Variants in MAST3 observed in about 807,000 individuals in gnomAD.
The protein encoded by MAST3 is microtubule associated serine/threonine kinase 3, also known as microtubule-associated serine/threonine-protein kinase 3.
Under a neutral mutation model 127.0 loss-of-function variants are expected in MAST3, and 43 were observed. That is an observed-to-expected ratio of 0.34 (90% CI 0.27 to 0.44). MAST3 has a LOEUF of 0.44. Ranked by LOEUF, MAST3 falls within the 20% of genes least tolerant of loss-of-function variation. The pLI, the probability that MAST3 is intolerant of heterozygous loss-of-function variation, is 1.00. For synonymous variants in MAST3, 785 were observed against 809.2 expected (o/e 0.97, Z 0.51); for missense variants, 1,390 against 1,919.1 (o/e 0.72, Z 5.15).
At chr19:18,125,195 T>C (rs925601890) in intron 11 of MAST3, among the ~76,000 whole-genome samples, 2 of 152,162 alleles carry the variant, frequency 1.3e-5, no homozygotes, top group Admixed American at 1.3e-4. Flanking sequence ...TCTTTGTCTC[T>C]CTGTGGCCTT....
At chr19:18,126,595 G>T (rs2040651066) in intron 11 of MAST3, among the ~76,000 whole-genome samples, 1 of 152,240 alleles carries the variant, frequency 6.6e-6, no homozygotes. Context: ...AACATACTGA[G>T]ATCTCGTCTC....
At chr19:18,137,660 G>A (rs2042019985) in intron 19 of MAST3, among the ~76,000 whole-genome samples, 1 of 152,134 alleles carries the variant, frequency 6.6e-6, no homozygotes, top group Non-Finnish European at 1.5e-5. Flanking sequence ...GGGCCTCCTG[G>A]GTGTCCGTCC....
chr19:18,144,026 A>G lies in MAST3; in HGVS notation c.2584+19A>G. 1 of 1,552,058 alleles carries G rather than the reference A, an allele frequency of 6.4e-7. No homozygotes were observed. Among genetic ancestry groups the G allele is most frequent in the Non-Finnish European group, 8.7e-7 (1 of 1,147,754 alleles). ...CTTTCTGGTAAGTGGGGCCCTGAGT[A>G]AGAGGGATGATGTCATGGAAGTTTC... On this transcript the variant is annotated intron_variant, in intron 22 of 27. Transcript: ENST00000687212. This position sits in a 1 kb window ranked among gnomAD's most constrained non-coding sequence, Gnocchi z 4.0.
At chr19:18,118,017 G>A (rs569826463) in intron 3 of MAST3, 2 of 711,792 alleles carry the variant, frequency 2.8e-6, no homozygotes, top group Admixed American at 1.3e-4. Flanking sequence ...GCGCTCGGGG[G>A]CGCGCGCTTC....
intron 18 of MAST3, 118 bp from the exon 19 acceptor site, chr19:18,137,121 C>G: frequency 7.6e-7 from 1 of 1,319,702 alleles, no homozygotes; most frequent in Non-Finnish European, 1.0e-6. Flanking sequence ...TGCGCCCGGC[C>G]CATTTTTCTG....
Position 18,112,305 on chromosome 19 carries a change from G to A in MAST3, c.161+1564G>A, listed in dbSNP as rs1194946524. Among the ~76,000 whole-genome samples, 2 of 152,184 alleles carry A rather than the reference G, an allele frequency of 1.3e-5. No individual in the cohort carries two copies. Among genetic ancestry groups the A allele is most frequent in the East Asian group, 3.8e-4 (2 of 5,196 alleles). On this transcript the variant is annotated intron_variant, in intron 3 of 27. Transcript: ENST00000687212. This position sits in a 1 kb window ranked among gnomAD's most constrained non-coding sequence, Gnocchi z 4.1. ...AGGCTCCGAGTAGCGGAGACTACAG[G>A]CGTGCCACCACGCCCGGCTAATTTT...
chr19:18,120,301 A>T (rs1381718705), intron 3 of MAST3, among the ~76,000 whole-genome samples: 1 of 152,136 alleles, frequency 6.6e-6, no homozygotes, highest in African/African-American at 2.4e-5. Flanking sequence ...CAAGAGGGGT[A>T]TATAGAATGG....
chr19:18,145,376 G>A lies in MAST3; in HGVS notation c.3039+147G>A. ...AGTTCATCTCGGTCCCTGTCATTTG[G>A]CAGGGAGGAGGTCAGATGAGAGAGA... On this transcript the variant is annotated intron_variant, in intron 24 of 27. Coordinates refer to ENST00000687212, the MANE Select transcript of MAST3 (RefSeq NM_001393504.1). The surrounding 1 kb of genome is among the most constrained non-coding windows in gnomAD (Gnocchi z 5.9). The A allele has an allele frequency of 1.3e-6, 1 of 769,226 alleles. No homozygotes were observed. The highest frequency in any genetic ancestry group is 2.2e-6 in the Non-Finnish European group (1 of 462,452). 47.7% of individuals were successfully genotyped at this position (769,226 alleles called of 1,614,324 possible).
intron 3 of MAST3, among the ~76,000 whole-genome samples, chr19:18,111,321 C>T (rs117561273): frequency 0.024 from 3,683 of 152,094 alleles, 106 homozygotes; most frequent in Admixed American, 0.077. Context: ...AGCTTTGCTA[C>T]CAGGTCTGTT....
intron 17 of MAST3, 80 bp from the exon 18 acceptor site, chr19:18,135,660 G>A: frequency 9.3e-7 from 1 of 1,074,316 alleles, no homozygotes; most frequent in Non-Finnish European, 1.4e-6. Flanking sequence ...GTGAAGTGAG[G>A]GGAAATGGTG....
At chr19:18,129,044 C>A in intron 13 of MAST3, 93 bp downstream of exon 13, 4 of 1,062,922 alleles carry the variant, frequency 3.8e-6, no homozygotes, top group Non-Finnish European at 5.8e-6. Context: ...CCTACCCCAG[C>A]AGGGCTCACA....
chr19:18,103,669 T>G (rs773378926), intron 1 of MAST3, among the ~76,000 whole-genome samples: 1 of 152,346 alleles, frequency 6.6e-6, no homozygotes, highest in Non-Finnish European at 1.5e-5. Flanking sequence ...CACCAGGCTC[T>G]GAGCTTGCTA....
At position 18,149,543 on chromosome 19, in the gene MAST3, G is replaced by C. The variant is rs534466529; in HGVS notation, c.3861G>C (p.Val1287=). ...CTCGTGGGCCAGAGGCCGAGCTCGTGGTCATGCGGCGGCTGCACCTGTCCG... is the reference window on the plus strand; with the variant it reads ...CTCGTGGGCCAGAGGCCGAGCTCGTCGTCATGCGGCGGCTGCACCTGTCCG... The part of the protein sequence containing the change: ...RRTRGPEAEL[V]VMRRLHLSER... Residue 1287 remains valine, a synonymous_variant, in exon 28 of 28, where the codon GTG becomes GTC. Transcript: ENST00000687212. The surrounding 1 kb of genome is among the most constrained non-coding windows in gnomAD (Gnocchi z 5.9). 45 of 1,568,824 alleles carry C rather than the reference G, an allele frequency of 2.9e-5. No homozygotes were observed. In the South Asian group the frequency reaches 4.9e-4, roughly 17 times the overall value.
intron 19 of MAST3, 22 bp downstream of exon 19, chr19:18,137,383 G>T (rs759843956): frequency 4.4e-6 from 7 of 1,603,914 alleles, no homozygotes; most frequent in Non-Finnish European, 6.0e-6. Flanking sequence ...TCCCCCTGGA[G>T]GGGGGGCGGG....
chr19:18,135,436 G>A (rs2041792792), intron 17 of MAST3, among the ~76,000 whole-genome samples: 1 of 152,158 alleles, frequency 6.6e-6, no homozygotes, highest in African/African-American at 2.4e-5. Context: ...CTGCACTCCA[G>A]CCTGGGTGAC....
rs1297352765 is a variant in MAST3, at chr19:18,149,540, C to G, written c.3858C>G (p.Leu1286=). The change falls in exon 28 of 28, where the codon CTC becomes CTG. Residue 1286 remains leucine (L), a synonymous_variant. Coordinates refer to ENST00000687212, the MANE Select transcript of MAST3 (RefSeq NM_001393504.1). This position sits in a 1 kb window ranked among gnomAD's most constrained non-coding sequence, Gnocchi z 5.9. ...GRRTRGPEAE[L]VVMRRLHLSE... is the part of the protein sequence containing the mutation. ...GCACTCGTGGGCCAGAGGCCGAGCT[C>G]GTGGTCATGCGGCGGCTGCACCTGT... The G allele has an allele frequency of 6.4e-7, 1 of 1,565,108 alleles. No individual in the cohort carries two copies. Among genetic ancestry groups the G allele is most frequent in the Non-Finnish European group, 8.7e-7 (1 of 1,155,886 alleles).
chr19:18,103,349 C>T (rs1000341555), intron 1 of MAST3, among the ~76,000 whole-genome samples: 2 of 152,008 alleles, frequency 1.3e-5, no homozygotes, highest in African/African-American at 2.4e-5. Context: ...ACCAGCCAGA[C>T]CAACATGGTG....
chr19:18,143,906 G>T lies in MAST3; in HGVS notation c.2483G>T (p.Gly828Val), dbSNP rs1320867848. 2 of 1,613,786 alleles carry T rather than the reference G, an allele frequency of 1.2e-6. No homozygotes were observed. Among genetic ancestry groups the T allele is most frequent in the Non-Finnish European group, 1.7e-6 (2 of 1,179,846 alleles). Reference protein sequence around the residue: ...FAFSSEDEGVGPGPAGPKRPV... With the variant: ...FAFSSEDEGVVPGPAGPKRPV... ...TTCTCATCAGAGGATGAGGGGGTAG[G>T]CCCAGGCCCTGCAGGCCCCAAGAGG... The change falls in exon 22 of 28, where the codon GGC (glycine) becomes GTC (valine). Residue 828 changes from glycine (G) to valine (V), a missense_variant. Gly to Val is a moderately radical substitution (Grantham distance 109). Around this residue, in one of 5 missense-constraint regions of MAST3, gnomAD observed 816 missense variants for 934.1 expected, o/e 0.87. Transcript: ENST00000687212.
At chr19:18,128,742 G>A in intron 12 of MAST3, 124 bp from the exon 13 acceptor site, 5 of 756,014 alleles carry the variant, frequency 6.6e-6, no homozygotes, top group Non-Finnish European at 1.1e-5. Flanking sequence ...AAGCTGAGTT[G>A]GAGAAGTTTG....
Sources: gnomAD v4.1 joint callset for allele counts (sites outside exome capture counted in the v4.1 genomes callset) on GRCh38, gnomAD v4.1.1 for gene constraint, gnomAD v4.1.1 regional missense constraint, Gnocchi (gnomAD v3.1) non-coding constraint, MANE v1.5 for transcripts, NCBI Gene and HGNC (gene_info 2026-07-23, HGNC 2026-07-21) for gene names.